The following NLGN1 variants were observed in gnomAD, a reference collection of about 807,000 sequenced individuals.
NLGN1 encodes neuroligin-1.
A neutral mutation model predicts 65.5 loss-of-function variants in NLGN1; 12 were observed. The ratio of observed to expected loss-of-function variants is 0.18; its 90% CI spans 0.12 to 0.30. The LOEUF is 0.30. NLGN1 is among the 10% of genes least tolerant of loss of function. The pLI, the probability that NLGN1 is intolerant of heterozygous loss-of-function variation, is 1.00. For synonymous variants in NLGN1, 350 were observed against 359.5 expected, an observed-to-expected ratio of 0.97 and a Z score of 0.30; for missense variants, 750 against 1,007.1, an observed-to-expected ratio of 0.74 and a Z score of 3.46.
At chr3:173,640,922 T>A (rs1342258996) in intron 3 of NLGN1, among the ~76,000 whole-genome samples, 1 of 152,218 alleles carries the variant, frequency 6.6e-6, no homozygotes, top group Non-Finnish European at 1.5e-5. Context: ...GGGCTTTCTA[T>A]TATTTATGAT....
At chr3:173,985,203 C>G (rs965529523) in intron 4 of NLGN1, among the ~76,000 whole-genome samples, 2 of 152,188 alleles carry the variant, frequency 1.3e-5, no homozygotes, top group Non-Finnish European at 2.9e-5. Context: ...ATTTCTCTGT[C>G]TTATTCACTG....
chr3:173,638,752 C>T (rs1038360040), intron 3 of NLGN1, among the ~76,000 whole-genome samples: 1 of 152,028 alleles, frequency 6.6e-6, no homozygotes, highest in African/African-American at 2.4e-5. Context: ...AAATATGGTT[C>T]ATAGTCTGGT....
At chr3:173,574,949 A>G (rs893169274) in intron 2 of NLGN1, among the ~76,000 whole-genome samples, 7 of 152,212 alleles carry the variant, frequency 4.6e-5, no homozygotes, top group Non-Finnish European at 8.8e-5. Context: ...CAGTGGCACA[A>G]TCATGGCTCA....
At chr3:174,040,427 G>T (rs983742461) in intron 4 of NLGN1, among the ~76,000 whole-genome samples, 7 of 152,066 alleles carry the variant, frequency 4.6e-5, no homozygotes, top group South Asian at 2.1e-4. Flanking sequence ...AGCTATCTTT[G>T]ACCTTGAAGG....
intron 4 of NLGN1, among the ~76,000 whole-genome samples, chr3:174,054,656 C>T (rs1338194493): frequency 6.6e-6 from 1 of 152,024 alleles, no homozygotes; most frequent in African/African-American, 2.4e-5. Context: ...CTGCTGCATG[C>T]ATATGACTAG....
At chr3:174,289,937 ATG>A (rs1443708337), downstream of NLGN1, among the ~76,000 whole-genome samples, 1 of 111,624 alleles carries the variant, frequency 9.0e-6, no homozygotes, top group African/African-American at 3.5e-5. Flanking sequence ...GTATATATAT[ATG>A]TATGTATATA....
intron 4 of NLGN1, among the ~76,000 whole-genome samples, chr3:173,869,801 C>T (rs1356913713): frequency 6.6e-6 from 1 of 152,150 alleles, no homozygotes; most frequent in Admixed American, 6.5e-5. Flanking sequence ...ACAAACGAGG[C>T]TTTAATTCAT....
chr3:173,621,434 A>G (rs1189642912), intron 3 of NLGN1, among the ~76,000 whole-genome samples: 1 of 152,138 alleles, frequency 6.6e-6, no homozygotes, highest in African/African-American at 2.4e-5. Flanking sequence ...TTGTGATAAA[A>G]TATTGATTGT....
intron 4 of NLGN1, among the ~76,000 whole-genome samples, chr3:173,840,518 G>A (rs531345000): frequency 6.6e-6 from 1 of 152,280 alleles, no homozygotes; most frequent in South Asian, 2.1e-4. Context: ...AGAGTGGGTT[G>A]ACATCTGTAA....
chr3:173,886,828 C>T (rs2150955951), intron 4 of NLGN1, among the ~76,000 whole-genome samples: 1 of 152,080 alleles, frequency 6.6e-6, no homozygotes, highest in East Asian at 1.9e-4. Context: ...ATAAAAATAA[C>T]CGTCAACCCA....
chr3:174,151,969 A>AT lies in NLGN1; in HGVS notation c.647-123345dup, dbSNP rs1414836729. Among the ~76,000 whole-genome samples, 3 of 152,282 alleles carry AT rather than the reference A, an allele frequency of 2.0e-5. No homozygotes were observed. The East Asian group carries it at 5.8e-4, about 29-fold the overall frequency. ...CCAATTTTTGAACCTCATAATGTGA[A>AT]TAGAAAAAAATAACTGTTAGAGAAA... On this transcript the variant is annotated intron_variant, in intron 4 of 6. Transcript: ENST00000457714.
At chr3:173,915,598 A>T (rs1029129047) in intron 4 of NLGN1, among the ~76,000 whole-genome samples, 13 of 152,226 alleles carry the variant, frequency 8.5e-5, no homozygotes, top group African/African-American at 2.9e-4. Flanking sequence ...TATTGCTGAT[A>T]CAATCTATTC....
chr3:173,431,873 T>A (rs1228880313), intron 1 of NLGN1, among the ~76,000 whole-genome samples: 2 of 152,024 alleles, frequency 1.3e-5, no homozygotes, highest in Non-Finnish European at 2.9e-5. Flanking sequence ...GGCTCTATGG[T>A]CTGCCTATTT....
Position 174,280,971 on chromosome 3 carries a change from C to T in NLGN1, c.2140C>T (p.Pro714Ser), listed in dbSNP as rs1424316335. 1 of 1,613,300 alleles carries T rather than the reference C, an allele frequency of 6.2e-7. No individual in the cohort carries two copies. Among genetic ancestry groups the T allele is most frequent in the Admixed American group, 1.7e-5 (1 of 59,868 alleles). The change falls in exon 7 of 7, where the codon CCT becomes TCT. Residue 714 changes from proline to serine, a missense_variant. Transcript: ENST00000457714. The surrounding 1 kb of genome is among the most constrained non-coding windows in gnomAD (Gnocchi z 4.9). ...ACATGATGTTCACAGGAGATGCAGC[C>T]CTCAGCGCACTACTACCAATGATCT...
chr3:173,878,921 T>C lies in NLGN1; in HGVS notation c.646+71089T>C, dbSNP rs559095866. Among the ~76,000 whole-genome samples the C allele has an allele frequency of 6.6e-5, 10 of 152,164 alleles. No homozygotes were observed. In the East Asian group the frequency reaches 1.7e-3, roughly 27 times the overall value. On this transcript the variant is annotated intron_variant, in intron 4 of 6. Coordinates refer to ENST00000457714, the Ensembl canonical transcript of NLGN1. The stretch of plus-strand genomic sequence containing the variant: ...TTGTTGCCTAAGAAAGTGGGGAAAT[T>C]GACAGTTCCGTCAGAAATGTCTTAT...
chr3:174,217,617 A>T (rs1044836057), intron 4 of NLGN1, among the ~76,000 whole-genome samples: 1 of 152,078 alleles, frequency 6.6e-6, no homozygotes, highest in Non-Finnish European at 1.5e-5. Flanking sequence ...GCCCACTTTC[A>T]TGACATAATT....
At chr3:174,258,463 A>G (rs907482971) in intron 4 of NLGN1, among the ~76,000 whole-genome samples, 1 of 152,202 alleles carries the variant, frequency 6.6e-6, no homozygotes, top group African/African-American at 2.4e-5. Flanking sequence ...GAAAATGTTC[A>G]TAGTTTCAAT....
chr3:173,602,817 A>C (rs368745344), intron 2 of NLGN1, among the ~76,000 whole-genome samples: 3 of 152,178 alleles, frequency 2.0e-5, no homozygotes, highest in African/African-American at 7.2e-5. Context: ...AAGAGTCAGC[A>C]TTATATACAC....
chr3:174,051,834 G>A (rs544342095), intron 4 of NLGN1, among the ~76,000 whole-genome samples: 9 of 152,098 alleles, frequency 5.9e-5, no homozygotes, highest in Admixed American at 5.2e-4. Context: ...CTCACAGGCA[G>A]ATTGGCCTCA....
Sources: gnomAD v4.1 joint callset for allele counts (sites outside exome capture counted in the v4.1 genomes callset) on GRCh38, gnomAD v4.1.1 for gene constraint, Gnocchi (gnomAD v3.1) non-coding constraint, MANE v1.5 for transcripts, NCBI Gene and HGNC (gene_info 2026-07-23, HGNC 2026-07-21) for gene names.